MTUS1: variants seen among roughly 807,000 people sequenced by gnomAD.
MTUS1 encodes the protein microtubule-associated tumor suppressor 1.
In MTUS1, 109 loss-of-function variants were observed where a neutral mutation model predicts 120.8. The observed-to-expected ratio is 0.90, with a 90% CI of 0.77 to 1.06. The LOEUF is 1.06. MTUS1 is among the 50% of genes least tolerant of loss of function. The pLI is 0.00. For missense variants in MTUS1, 2,210 were observed against 1,486.3 expected, an observed-to-expected ratio of 1.49 and a Z score of -8.01; for synonymous variants, 737 against 550.5, an observed-to-expected ratio of 1.34 and a Z score of -4.74.
intron 7 of MTUS1, among the ~76,000 whole-genome samples, chr8:17,682,511 C>A (rs1461342988): frequency 1.2e-5 from 1 of 83,806 alleles, no homozygotes; most frequent in Non-Finnish European, 2.4e-5. Flanking sequence ...GAGCAAGACT[C>A]CATCCCAAAA....
intron 6 of MTUS1, chr8:17,705,504 A>T (rs1412932936): frequency 6.6e-6 from 1 of 152,240 alleles, no homozygotes; most frequent in African/African-American, 2.4e-5. Context: ...TTACTAAATG[A>T]TCCACTCCTC....
chr8:17,743,228 T>A (rs1239165075), intron 3 of MTUS1, among the ~76,000 whole-genome samples: 1 of 152,024 alleles, frequency 6.6e-6, no homozygotes, highest in Non-Finnish European at 1.5e-5. Context: ...AAAAAATTAA[T>A]CTCTTCACAT....
At chr8:17,700,107 G>GA (rs1345113986) in intron 6 of MTUS1, among the ~76,000 whole-genome samples, 2 of 152,050 alleles carry the variant, frequency 1.3e-5, no homozygotes, top group Non-Finnish European at 2.9e-5. Context: ...GACAGTAGAG[G>GA]AAAAAATAAG....
intron 6 of MTUS1, among the ~76,000 whole-genome samples, chr8:17,707,398 G>C (rs935939660): frequency 3.3e-5 from 5 of 152,022 alleles, no homozygotes; most frequent in Admixed American, 2.0e-4. Context: ...ATAATACCAG[G>C]TTAGTCTTAA....
At chr8:17,663,719 C>T (rs1025027137) in intron 8 of MTUS1, among the ~76,000 whole-genome samples, 2 of 151,688 alleles carry the variant, frequency 1.3e-5, no homozygotes, top group Non-Finnish European at 2.9e-5. Flanking sequence ...CCTCAGCCCC[C>T]TGAGTAGCTG....
In MTUS1 at chr8:17,795,872, G is replaced by A. The variant is rs71526157; in HGVS notation, c.-155+5189C>T. 9.5e-3 allele frequency among the ~76,000 whole-genome samples: 1,448 copies of A among 152,102 alleles called. 7 individuals carry two copies. Among genetic ancestry groups the A allele is most frequent in the Non-Finnish European group, 0.016 (1,105 of 68,002 alleles). Reference sequence around the variant, plus strand: ...GCTGGTCTCAAACTCCTGACCTCAGGTGATCCACCTGCCTTGGCCTCCCAA... The same window carrying A: ...GCTGGTCTCAAACTCCTGACCTCAGATGATCCACCTGCCTTGGCCTCCCAA... On this transcript the variant is annotated intron_variant, in intron 1 of 14. Transcript: ENST00000693296.
At position 17,644,455 on chromosome 8, in the gene MTUS1, C is replaced by T. The variant is rs1018866791; in HGVS notation, c.*1471G>A. 3 of 151,466 alleles carry T rather than the reference C, an allele frequency of 2.0e-5. No homozygotes were observed. The highest frequency in any genetic ancestry group is 7.4e-5 in the African/African-American group (3 of 40,754). The allele number at this position is 151,466 out of a possible 1,614,324, so 9.4% of individuals were successfully genotyped here. ...CACATGCAGGGAGGGGGAGATAAAG[C>T]AACAGTTCTTCCTTCCACCTTTTCC... On this transcript the variant is annotated 3_prime_UTR_variant, in exon 15 of 15. Coordinates refer to ENST00000693296, the MANE Select transcript of MTUS1 (RefSeq NM_001363059.2).
chr8:17,754,328 C>G lies in MTUS1; in HGVS notation c.1480G>C (p.Val494Leu). 6.2e-7 allele frequency: 1 copy of G among 1,614,110 alleles called. No individual in the cohort carries two copies. The highest frequency in any genetic ancestry group is 1.1e-5 in the South Asian group (1 of 91,064). ...TAACTTATAATTTCAGTTTTTCTAA[C>G]TTTGCAGCCTATTGGGGTATTCGTT... is the stretch of plus-strand genomic sequence containing the variant. ...IKTNTPIGCK[V>L]RKTEIISYPR... The change falls in exon 2 of 15, where the codon GTT becomes CTT. Residue 494 changes from valine (V) to leucine (L), a missense_variant. By Grantham distance (32) the Val-to-Leu change is conservative. Coordinates refer to ENST00000693296, the MANE Select transcript of MTUS1 (RefSeq NM_001363059.2).
intron 6 of MTUS1, among the ~76,000 whole-genome samples, chr8:17,688,132 T>C (rs1266403582): frequency 6.6e-6 from 1 of 152,188 alleles, no homozygotes; most frequent in Non-Finnish European, 1.5e-5. Context: ...TTGCCTTGGG[T>C]TCCGTGAAAC....
At chr8:17,680,364 T>C (rs1814115630) in intron 7 of MTUS1, among the ~76,000 whole-genome samples, 1 of 148,496 alleles carries the variant, frequency 6.7e-6, no homozygotes, top group Non-Finnish European at 1.5e-5. Context: ...CTCAGGAGGC[T>C]GAGTCAGGAG....
chr8:17,792,147 A>C (rs561852501), intron 1 of MTUS1, among the ~76,000 whole-genome samples: 4 of 152,322 alleles, frequency 2.6e-5, no homozygotes, highest in African/African-American at 9.6e-5. Context: ...GTATGTCCCC[A>C]GGGTTTCATA....
rs1175424840 is a variant in MTUS1 at position 17,654,549 on chromosome 8, A to G, written c.3214+12T>C. The G allele has an allele frequency of 6.5e-7, 1 of 1,548,952 alleles. No individual in the cohort carries two copies. The highest frequency in any genetic ancestry group is 8.9e-7 in the Non-Finnish European group (1 of 1,121,262). On this transcript the variant is annotated intron_variant, in intron 10 of 14. Transcript: ENST00000693296. ...TTTTATTCTGTTTAAAGAGGAAAAA[A>G]AGCATCCTTGCCTGAAAGGGAGGCT...
intron 9 of MTUS1, 155 bp from the exon 10 acceptor site, chr8:17,654,821 G>C: frequency 1.6e-6 from 1 of 613,860 alleles, no homozygotes; most frequent in Non-Finnish European, 2.9e-6. Flanking sequence ...CAGGGCAGTG[G>C]TTCACACTTG....
intron 8 of MTUS1, among the ~76,000 whole-genome samples, chr8:17,664,718 G>T (rs886190263): frequency 6.6e-6 from 1 of 152,116 alleles, no homozygotes; most frequent in African/African-American, 2.4e-5. Context: ...GTGTGATGAT[G>T]TCATAACATT....
Position 17,669,136 on chromosome 8 carries a change from C to A in MTUS1, c.2905+6050G>T, listed in dbSNP as rs554491521. On this transcript the variant is annotated intron_variant, in intron 8 of 14. Coordinates refer to ENST00000693296, the MANE Select transcript of MTUS1 (RefSeq NM_001363059.2). ...TAGATGGCAAGAAGAGGTCTATAAACAAATCTCTGTAAGAACAAAATCTTA... is the reference window on the plus strand; with the variant it reads ...TAGATGGCAAGAAGAGGTCTATAAAAAAATCTCTGTAAGAACAAAATCTTA... Among the ~76,000 whole-genome samples, 4 of 152,296 alleles carry A rather than the reference C, an allele frequency of 2.6e-5. No individual in the cohort carries two copies. The Middle Eastern group carries it at 0.01, about 389-fold the overall frequency.
intron 3 of MTUS1, among the ~76,000 whole-genome samples, chr8:17,733,452 A>C (rs1200324300): frequency 2.6e-5 from 4 of 152,118 alleles, no homozygotes; most frequent in Admixed American, 6.5e-5. Context: ...AATAGTCATA[A>C]ATTTTTAAGT....
rs180729269 is a variant in MTUS1, at chr8:17,744,951, A to G, written c.2092-1152T>C. Among the ~76,000 whole-genome samples, 32 of 152,258 alleles carry G rather than the reference A, an allele frequency of 2.1e-4. No homozygotes were observed. In the East Asian group the frequency reaches 2.5e-3, roughly 12 times the overall value. The stretch of plus-strand genomic sequence containing the variant: ...CCAAACTAACGTGTATCTCAAATGT[A>G]TTGACTGATGTCCTCTGTCTCCCTA... On this transcript the variant is annotated intron_variant, in intron 2 of 14. Transcript: ENST00000693296.
At chr8:17,741,105 C>A (rs2047286985) in intron 3 of MTUS1, among the ~76,000 whole-genome samples, 1 of 152,102 alleles carries the variant, frequency 6.6e-6, no homozygotes, top group African/African-American at 2.4e-5. Flanking sequence ...TCTCAAACTC[C>A]TGACCTCAGG....
At chr8:17,722,353 T>C in intron 4 of MTUS1, 1 of 968,692 alleles carries the variant, frequency 1.0e-6, no homozygotes, top group Non-Finnish European at 1.2e-6. Context: ...TGATTCTGTT[T>C]TGGCAGTTTG....
Sources: gnomAD v4.1 joint callset for allele counts (sites outside exome capture counted in the v4.1 genomes callset) on GRCh38, gnomAD v4.1.1 for gene constraint, MANE v1.5 for transcripts, NCBI Gene and HGNC (gene_info 2026-07-23, HGNC 2026-07-21) for gene names.